Variants in KCNQ2 observed in about 807,000 individuals in gnomAD.
KCNQ2 encodes potassium voltage-gated channel subfamily Q member 2.
In KCNQ2, 14 loss-of-function variants were observed where a neutral mutation model predicts 84.8. That is an observed-to-expected ratio of 0.17 (90% CI 0.11 to 0.26). The LOEUF (loss-of-function observed/expected upper bound fraction) is 0.26. Ranked by LOEUF, KCNQ2 falls within the 10% of genes least tolerant of loss-of-function variation. The pLI is 1.00. For synonymous variants in KCNQ2, 599 were observed against 554.1 expected (o/e 1.08, Z -1.14); for missense variants, 788 against 1,254.0 (o/e 0.63, Z 5.61).
At chr20:63,429,882 G>A (rs1312155547) in intron 9 of KCNQ2, among the ~76,000 whole-genome samples, 1 of 152,150 alleles carries the variant, frequency 6.6e-6, no homozygotes, top group Non-Finnish European at 1.5e-5. Context: ...AGCCCCAGAG[G>A]TGCCCCCAAA....
intron 12 of KCNQ2, among the ~76,000 whole-genome samples, chr20:63,417,478 C>T (rs886900143): frequency 4.6e-5 from 7 of 152,246 alleles, no homozygotes; most frequent in African/African-American, 1.4e-4. Flanking sequence ...GGCAAAGCAC[C>T]GGGTGGAGGA....
intron 1 of KCNQ2, among the ~76,000 whole-genome samples, chr20:63,456,803 G>A (rs759079447): frequency 2.6e-5 from 4 of 152,194 alleles, no homozygotes; most frequent in African/African-American, 9.7e-5. Context: ...GTCCTGGGGG[G>A]TCCCACGCAG....
At position 63,433,480 on chromosome 20, in the gene KCNQ2, G is replaced by A. The variant is rs556962570; in HGVS notation, c.1118+329C>T. 246 of 546,740 alleles carry A rather than the reference G, an allele frequency of 4.5e-4. 2 individuals carry two copies. In the East Asian group the frequency reaches 7.2e-3, roughly 16 times the overall value. 33.9% of individuals were successfully genotyped at this position (546,740 alleles called of 1,614,324 possible). A position where few individuals can be genotyped will look rare whatever the true frequency, so the allele number is the denominator to read the frequency against. On this transcript the variant is annotated intron_variant, in intron 8 of 16. Coordinates refer to ENST00000359125, the MANE Select transcript of KCNQ2 (RefSeq NM_172107.4). The stretch of plus-strand genomic sequence containing the variant: ...CCGGTCCAGAGCAGCCCGGGGAGCA[G>A]CTGTCGGTCCAGAGCAGCCCGGGGC...
chr20:63,471,707 G>A (rs987251686), intron 1 of KCNQ2: 3 of 157,734 alleles, frequency 1.9e-5, no homozygotes, highest in Non-Finnish European at 2.8e-5. Flanking sequence ...TAGTCTGAGG[G>A]AGAGCGGCTC....
chr20:63,413,803 A>G (rs1202832388), intron 14 of KCNQ2, among the ~76,000 whole-genome samples: 1 of 152,128 alleles, frequency 6.6e-6, no homozygotes, highest in Non-Finnish European at 1.5e-5. Context: ...CTTGGACTCC[A>G]TGCCACAGCA....
At chr20:63,431,732 G>A (rs1365967036) in intron 8 of KCNQ2, among the ~76,000 whole-genome samples, 3 of 152,176 alleles carry the variant, frequency 2.0e-5, no homozygotes, top group African/African-American at 7.2e-5. Context: ...CCCTGAAAAG[G>A]CAGGTAGCAA....
chr20:63,442,992 T>C (rs1206569422), intron 4 of KCNQ2, among the ~76,000 whole-genome samples: 532 of 23,244 alleles, frequency 0.023, no homozygotes, highest in Middle Eastern at 0.1. Context: ...ACCATTACCA[T>C]CACCATCACC....
chr20:63,465,877 G>A (rs575658865), intron 1 of KCNQ2, among the ~76,000 whole-genome samples: 16 of 152,334 alleles, frequency 1.1e-4, no homozygotes, highest in East Asian at 1.9e-4. Flanking sequence ...TCGACGCTCC[G>A]TGCTAAAGGC....
chr20:63,426,327 G>A (rs986113650), intron 10 of KCNQ2, among the ~76,000 whole-genome samples: 2 of 152,180 alleles, frequency 1.3e-5, no homozygotes, highest in Non-Finnish European at 2.9e-5. Context: ...GGCTGCAGCC[G>A]CACACCTGGT....
At chr20:63,462,641 A>G (rs1380017880) in intron 1 of KCNQ2, among the ~76,000 whole-genome samples, 2 of 152,248 alleles carry the variant, frequency 1.3e-5, no homozygotes, top group Non-Finnish European at 2.9e-5. Flanking sequence ...GAACATTTTT[A>G]CAGCCACCAG....
chr20:63,435,741 T>A (rs2080973445), intron 7 of KCNQ2, among the ~76,000 whole-genome samples: 1 of 152,232 alleles, frequency 6.6e-6, no homozygotes, highest in African/African-American at 2.4e-5. Flanking sequence ...AGCAGCGGCA[T>A]CTCAACCAGT....
chr20:63,447,699 A>G (rs2145795017), intron 1 of KCNQ2, among the ~76,000 whole-genome samples: 1 of 152,148 alleles, frequency 6.6e-6, no homozygotes, highest in South Asian at 2.1e-4. Context: ...GGTTCAAGCA[A>G]TTCTCCCGCC....
intron 11 of KCNQ2, among the ~76,000 whole-genome samples, chr20:63,423,169 A>G (rs904074645): frequency 1.3e-5 from 2 of 152,184 alleles, no homozygotes; most frequent in African/African-American, 4.8e-5. Context: ...GTGGGCCGGA[A>G]GCATTGCCCG....
At chr20:63,463,681 C>T (rs1316173668) in intron 1 of KCNQ2, 1 of 152,268 alleles carries the variant, frequency 6.6e-6, no homozygotes, top group Admixed American at 6.5e-5. Context: ...TGCTCCCACT[C>T]ACCCTTCTCA....
intron 11 of KCNQ2, 120 bp downstream of exon 11, chr20:63,424,057 C>G (rs1381823082): frequency 8.7e-7 from 1 of 1,146,070 alleles, no homozygotes. Context: ...GTCACACAGT[C>G]ACACACGGAA....
chr20:63,468,063 C>T (rs2082123749), intron 1 of KCNQ2, among the ~76,000 whole-genome samples: 1 of 152,212 alleles, frequency 6.6e-6, no homozygotes, highest in Non-Finnish European at 1.5e-5. Context: ...TGTACAATGT[C>T]TTATCACTCC....
rs141692577 is a variant in KCNQ2, at chr20:63,406,534, C to T, written c.*110G>A. 2.7e-3 allele frequency: 3,549 copies of T among 1,323,096 alleles called. 4 individuals are homozygous for T. Among genetic ancestry groups the T allele is most frequent in the Non-Finnish European group, 3.2e-3 (3,237 of 996,026 alleles). The allele number at this position is 1,323,096 out of a possible 1,614,324, so 82.0% of individuals were successfully genotyped here. On this transcript the variant is annotated 3_prime_UTR_variant, in exon 17 of 17. Transcript: ENST00000359125. Reference sequence around the variant, plus strand: ...GGGCCCCTCCAGGGCCCACCCTTCCCGCCACACTCAGTTACTGTAAGAAAA... The same window carrying T: ...GGGCCCCTCCAGGGCCCACCCTTCCTGCCACACTCAGTTACTGTAAGAAAA...
chr20:63,461,940 G>A (rs149393082), intron 1 of KCNQ2, among the ~76,000 whole-genome samples: 7,223 of 106,276 alleles, frequency 0.068, 324 homozygotes, highest in East Asian at 0.23. Flanking sequence ...CAGGGAGCAG[G>A]GAGGAGGCTG....
At chr20:63,416,333 C>A (rs966479596) in intron 12 of KCNQ2, among the ~76,000 whole-genome samples, 4 of 152,190 alleles carry the variant, frequency 2.6e-5, no homozygotes, top group African/African-American at 9.7e-5. Flanking sequence ...GATGGGTTTG[C>A]ACCCGAGTTC....
Sources: gnomAD v4.1 joint callset for allele counts (sites outside exome capture counted in the v4.1 genomes callset) on GRCh38, gnomAD v4.1.1 for gene constraint, MANE v1.5 for transcripts, NCBI Gene and HGNC (gene_info 2026-07-23, HGNC 2026-07-21) for gene names.